SETD4: variants seen among roughly 807,000 people sequenced by gnomAD.
The protein encoded by SETD4 is SET domain-containing protein 4.
SETD4 carries 46 observed loss-of-function variants against 58.3 expected under a neutral mutation model. The observed-to-expected ratio is 0.79, with a 90% CI of 0.62 to 1.01. SETD4 has a LOEUF of 1.01. Among genes scored for constraint, SETD4 ranks in the 50% least tolerant of loss-of-function variants. SETD4 has a pLI of 0.00. For missense variants in SETD4, 490 were observed against 523.3 expected (o/e 0.94, Z 0.62); for synonymous variants, 190 against 202.6 (o/e 0.94, Z 0.53).
At chr21:36,040,544 A>G (rs1568905147) in intron 9 of SETD4, 31 bp downstream of exon 9, 1 of 1,585,966 alleles carries the variant, frequency 6.3e-7, no homozygotes, top group Non-Finnish European at 8.7e-7. Context: ...GCCTGTTGCT[A>G]CAGCTTAAGA....
intron 4 of SETD4, chr21:36,051,228 A>G: frequency 6.2e-7 from 1 of 1,606,092 alleles, no homozygotes; most frequent in East Asian, 2.2e-5. Flanking sequence ...TCCCCCAGCC[A>G]GCACTGCTGT....
At chr21:36,059,108 T>C (rs767354773) in intron 1 of SETD4, 184 bp from the exon 2 acceptor site, 95 of 615,362 alleles carry the variant, frequency 1.5e-4, no homozygotes, top group Non-Finnish European at 2.2e-4. Context: ...ACGTTTATAC[T>C]GTGAGCTAAA....
At chr21:36,057,550 T>C (rs890543476) in intron 2 of SETD4, 151 of 509,786 alleles carry the variant, frequency 3.0e-4, no homozygotes, top group African/African-American at 2.5e-3. Flanking sequence ...AACCAAAACA[T>C]ACTTATGCAA....
intron 2 of SETD4, 131 bp from the exon 3 acceptor site, chr21:36,057,335 T>C (rs779259148): frequency 7.7e-6 from 6 of 778,132 alleles, no homozygotes; most frequent in East Asian, 2.6e-5. Flanking sequence ...TATCTAAACA[T>C]AGAAAAGTTA....
At chr21:36,057,310 T>C (rs2065036545) in intron 2 of SETD4, 106 bp from the exon 3 acceptor site, 3 of 858,296 alleles carry the variant, frequency 3.5e-6, no homozygotes, top group Admixed American at 1.8e-5. Context: ...ACTTACACAA[T>C]AGTAAGAATT....
chr21:36,041,175 A>G (rs1273089354), intron 8 of SETD4, among the ~76,000 whole-genome samples: 1 of 149,142 alleles, frequency 6.7e-6, no homozygotes, highest in East Asian at 2.0e-4. Flanking sequence ...AAAAAAAAAA[A>G]AAAAAAAAAA....
At chr21:36,036,643 T>C (rs893387830) in intron 10 of SETD4, 1 of 975,892 alleles carries the variant, frequency 1.0e-6, no homozygotes, top group Non-Finnish European at 1.2e-6. Context: ...CATGTTTTCA[T>C]ACGAATAAGC....
At chr21:36,054,985 G>T (rs2835260) in intron 3 of SETD4, among the ~76,000 whole-genome samples, 19,650 of 152,266 alleles carry the variant, frequency 0.13, 1,344 homozygotes, top group Middle Eastern at 0.25. Context: ...AGTTGGATTT[G>T]ATGAGTCCCA....
At chr21:36,041,207 G>GA (rs1382520831) in intron 8 of SETD4, among the ~76,000 whole-genome samples, 1 of 147,792 alleles carries the variant, frequency 6.8e-6, no homozygotes, top group Non-Finnish European at 1.5e-5. Context: ...AACCATGGAT[G>GA]AGGGGCCGGA....
At chr21:36,049,102 C>G (rs956257983) in intron 4 of SETD4, among the ~76,000 whole-genome samples, 1 of 152,158 alleles carries the variant, frequency 6.6e-6, no homozygotes, top group Non-Finnish European at 1.5e-5. Flanking sequence ...CGAACTCTAC[C>G]ACTTGCAAGA....
intron 4 of SETD4, chr21:36,050,954 G>C: frequency 6.2e-7 from 1 of 1,609,442 alleles, no homozygotes; most frequent in Non-Finnish European, 8.5e-7. Context: ...AACAAGGGAA[G>C]CAGCTAGCTA....
At position 36,038,201 on chromosome 21, in the gene SETD4, G is replaced by A; in HGVS notation, c.1137C>T (p.Ala379=). ...CTATGAAATAATAGCATATTTTCTG[G>A]GCTATGTCCAAACTTGTCTTCTCAT... The part of the protein sequence containing the change: ...DTNEKTSLDI[A]QKICYYFIEE... Residue 379 remains alanine (A), a synonymous_variant, in exon 10 of 12, where the codon GCC becomes GCT. Coordinates refer to ENST00000332131, the MANE Select transcript of SETD4 (RefSeq NM_017438.5). 6.2e-7 allele frequency: 1 copy of A among 1,613,844 alleles called. No individual in the cohort carries two copies. The highest frequency in any genetic ancestry group is 8.5e-7 in the Non-Finnish European group (1 of 1,179,914).
At chr21:36,041,488 G>A (rs2064058386) in intron 8 of SETD4, among the ~76,000 whole-genome samples, 2 of 152,194 alleles carry the variant, frequency 1.3e-5, no homozygotes, top group Non-Finnish European at 2.9e-5. Flanking sequence ...GGCCCAGCCT[G>A]GCCTTTCCAC....
At chr21:36,045,545 T>C in intron 6 of SETD4, 37 bp downstream of exon 6, 1 of 1,597,124 alleles carries the variant, frequency 6.3e-7, no homozygotes, top group Non-Finnish European at 8.6e-7. Flanking sequence ...AGCCTTCCTA[T>C]CCAAATAGAA....
At chr21:36,041,594 A>T (rs1027501704) in intron 8 of SETD4, among the ~76,000 whole-genome samples, 1 of 152,170 alleles carries the variant, frequency 6.6e-6, no homozygotes, top group African/African-American at 2.4e-5. Context: ...CTTGTATCTT[A>T]TGTCCCTAAA....
At chr21:36,037,604 C>CA (rs761175944) in intron 10 of SETD4, among the ~76,000 whole-genome samples, 15,044 of 62,398 alleles carry the variant, frequency 0.24, 1,186 homozygotes, top group South Asian at 0.35. Flanking sequence ...GACTCTGTCT[C>CA]AAAAAAAAAA....
chr21:36,059,957 C>T (rs2065207767), intron 1 of SETD4: 2 of 985,466 alleles, frequency 2.0e-6, no homozygotes, highest in South Asian at 9.4e-5. Flanking sequence ...TCCACCATCA[C>T]CCTGCTGAGG....
At chr21:36,048,617 A>C (rs1270240997) in intron 4 of SETD4, among the ~76,000 whole-genome samples, 1 of 152,114 alleles carries the variant, frequency 6.6e-6, no homozygotes. Context: ...CCCAACAAAA[A>C]TGAAAGGTCA....
At chr21:36,046,534 C>A (rs539072618) in intron 5 of SETD4, among the ~76,000 whole-genome samples, 1 of 152,302 alleles carries the variant, frequency 6.6e-6, no homozygotes, top group East Asian at 1.9e-4. Flanking sequence ...TTTAATTGCA[C>A]AATAGCCATT....
Sources: allele counts gnomAD v4.1 joint callset (sites outside exome capture counted in the v4.1 genomes callset), GRCh38; gene constraint gnomAD v4.1.1; transcripts MANE v1.5; gene names NCBI Gene and HGNC (gene_info 2026-07-23, HGNC 2026-07-21).